The following ERBB4 variants were observed in gnomAD, a reference collection of about 807,000 sequenced individuals.
ERBB4 encodes the protein erb-b2 receptor tyrosine kinase 4.
Under a neutral mutation model 158.0 loss-of-function variants are expected in ERBB4, and 42 were observed. That is an observed-to-expected ratio of 0.27 (90% CI 0.21 to 0.34). The LOEUF (loss-of-function observed/expected upper bound fraction) is 0.34. ERBB4 is among the 10% of genes least tolerant of loss of function. ERBB4 has a pLI of 1.00. For synonymous variants in ERBB4, 583 were observed against 558.7 expected (o/e 1.04, Z -0.61); for missense variants, 1,333 against 1,624.1 (o/e 0.82, Z 3.08).
At chr2:211,467,561 A>G (rs143291298) in intron 20 of ERBB4, among the ~76,000 whole-genome samples, 310 of 152,252 alleles carry the variant, frequency 2.0e-3, no homozygotes, top group Non-Finnish European at 3.5e-3. Flanking sequence ...CTGTGTAAAT[A>G]TCTTCCCTGG....
chr2:211,413,305 T>TAA (rs768289370), intron 25 of ERBB4, among the ~76,000 whole-genome samples: 790 of 56,932 alleles, frequency 0.014, 96 homozygotes, highest in South Asian at 0.053. Context: ...GACCCTGTCT[T>TAA]AAAAACACAC....
intron 20 of ERBB4, among the ~76,000 whole-genome samples, chr2:211,518,409 A>G (rs753846070): frequency 6.6e-6 from 1 of 152,064 alleles, no homozygotes; most frequent in Non-Finnish European, 1.5e-5. Flanking sequence ...TAATCCCAGC[A>G]CTTTGGGAGG....
At chr2:212,037,613 C>T (rs949111466) in intron 2 of ERBB4, among the ~76,000 whole-genome samples, 3 of 152,250 alleles carry the variant, frequency 2.0e-5, no homozygotes, top group South Asian at 2.1e-4. Context: ...AGAAATGCCA[C>T]AGGCTGAATA....
chr2:211,646,483 A>C (rs2070784430), intron 16 of ERBB4, among the ~76,000 whole-genome samples: 1 of 151,740 alleles, frequency 6.6e-6, no homozygotes, highest in Non-Finnish European at 1.5e-5. Context: ...TAGTTACATA[A>C]GTACATTCAG....
intron 4 of ERBB4, among the ~76,000 whole-genome samples, chr2:211,773,412 A>G (rs1247649992): frequency 1.3e-5 from 2 of 150,662 alleles, no homozygotes; most frequent in African/African-American, 2.4e-5. Context: ...ATACTCATAT[A>G]TGTTATGATT....
At chr2:211,533,051 G>T (rs2066544134) in intron 20 of ERBB4, among the ~76,000 whole-genome samples, 1 of 150,858 alleles carries the variant, frequency 6.6e-6, no homozygotes, top group South Asian at 2.1e-4. Flanking sequence ...GTTGCTATTG[G>T]TTTTACACAA....
At chr2:212,162,482 T>C (rs1031646016) in intron 1 of ERBB4, among the ~76,000 whole-genome samples, 2 of 151,900 alleles carry the variant, frequency 1.3e-5, no homozygotes, top group African/African-American at 4.8e-5. Flanking sequence ...TCTTGATAAG[T>C]ATTTGCACTA....
intron 20 of ERBB4, among the ~76,000 whole-genome samples, chr2:211,446,433 C>T (rs944638154): frequency 1.3e-5 from 2 of 152,046 alleles, no homozygotes; most frequent in Non-Finnish European, 2.9e-5. Context: ...AAAATAACTT[C>T]GTAGAAATAC....
chr2:212,224,310 A>G (rs1474607442), intron 1 of ERBB4, among the ~76,000 whole-genome samples: 1 of 151,974 alleles, frequency 6.6e-6, no homozygotes, highest in African/African-American at 2.4e-5. Flanking sequence ...CTGTGACTTT[A>G]TATTTACTAT....
intron 1 of ERBB4, among the ~76,000 whole-genome samples, chr2:212,340,556 C>A (rs944817449): frequency 7.9e-5 from 12 of 152,140 alleles, no homozygotes; most frequent in Admixed American, 5.9e-4. Flanking sequence ...AAGGAGCATG[C>A]CACCCAGATT....
chr2:212,423,165 G>GCTT (rs1003824785), intron 1 of ERBB4, among the ~76,000 whole-genome samples: 2 of 151,982 alleles, frequency 1.3e-5, no homozygotes, highest in African/African-American at 4.8e-5. Context: ...GTTTAGGTAA[G>GCTT]TGAAGGGGGC....
At chr2:212,333,249 G>C (rs760322489) in intron 1 of ERBB4, among the ~76,000 whole-genome samples, 20 of 151,944 alleles carry the variant, frequency 1.3e-4, no homozygotes, top group Non-Finnish European at 2.8e-4. Flanking sequence ...GCCAATGTTT[G>C]GAGTCCCAGT....
At chr2:212,278,785 C>T (rs1049409338) in intron 1 of ERBB4, among the ~76,000 whole-genome samples, 8 of 151,610 alleles carry the variant, frequency 5.3e-5, no homozygotes, top group Non-Finnish European at 8.9e-5. Flanking sequence ...TATATAGATA[C>T]TTGAAAGAAA....
chr2:212,364,573 G>C (rs548326604), intron 1 of ERBB4, among the ~76,000 whole-genome samples: 1 of 151,870 alleles, frequency 6.6e-6, no homozygotes, highest in Non-Finnish European at 1.5e-5. Context: ...AATCAGCTGT[G>C]ACCATAATGA....
intron 3 of ERBB4, among the ~76,000 whole-genome samples, chr2:211,919,020 C>G (rs906487061): frequency 2.0e-5 from 3 of 151,958 alleles, no homozygotes; most frequent in African/African-American, 7.2e-5. Context: ...TTCTGGACAC[C>G]GTTATTATCC....
At position 211,540,205 on chromosome 2, in the gene ERBB4, T is replaced by TATATATATATATATAC. The variant is rs60602351; in HGVS notation, c.2487+21697_2487+21698insGTATATATATATATAT. 4.6e-3 allele frequency among the ~76,000 whole-genome samples: 679 copies of TATATATATATATATAC among 147,792 alleles called. 4 individuals are homozygous for TATATATATATATATAC. Among genetic ancestry groups the TATATATATATATATAC allele is most frequent in the East Asian group, 0.018 (88 of 4,922 alleles). On this transcript the variant is annotated intron_variant, in intron 20 of 27. Coordinates refer to ENST00000342788, the MANE Select transcript of ERBB4 (RefSeq NM_005235.3). ...TACATGATTTATATATATATATATA[T>TATATATATATATATAC]ACACACACACATATATATAATACAT...
chr2:211,913,619 A>ATGTGTGTGTGTGTGTG (rs34762084), intron 3 of ERBB4, among the ~76,000 whole-genome samples: 36 of 132,814 alleles, frequency 2.7e-4, no homozygotes, highest in Middle Eastern at 3.8e-3. Context: ...ATATATATAT[A>ATGTGTGTGTGTGTGTG]TGTGTGTGTG....
At chr2:211,514,182 C>G (rs2065965073) in intron 20 of ERBB4, among the ~76,000 whole-genome samples, 1 of 152,080 alleles carries the variant, frequency 6.6e-6, no homozygotes, top group Non-Finnish European at 1.5e-5. Flanking sequence ...TATTCTCTAC[C>G]TCCATGAGAT....
At chr2:212,315,447 A>G (rs114043789) in intron 1 of ERBB4, among the ~76,000 whole-genome samples, 2,061 of 151,466 alleles carry the variant, frequency 0.014, 50 homozygotes, top group African/African-American at 0.048. Context: ...CATAATTATT[A>G]TTTTTCTCTT....
Sources: allele counts gnomAD v4.1 joint callset (sites outside exome capture counted in the v4.1 genomes callset), GRCh38; gene constraint gnomAD v4.1.1; transcripts MANE v1.5; gene names NCBI Gene and HGNC (gene_info 2026-07-23, HGNC 2026-07-21).